Variants in MICU1 observed in about 807,000 individuals in gnomAD.
MICU1 encodes calcium uptake protein 1, mitochondrial.
MICU1 carries 45 observed loss-of-function variants against 56.8 expected under a neutral mutation model. That is an observed-to-expected ratio of 0.79 (90% CI 0.62 to 1.02). MICU1 has a LOEUF of 1.02. MICU1 is among the 50% of genes least tolerant of loss of function. The pLI, the probability that MICU1 is intolerant of heterozygous loss-of-function variation, is 0.00. For missense variants in MICU1, 504 were observed against 587.1 expected (o/e 0.86, Z 1.46); for synonymous variants, 186 against 195.1 (o/e 0.95, Z 0.39).
At chr10:72,426,718 C>T (rs1864359032) in intron 8 of MICU1, among the ~76,000 whole-genome samples, 1 of 152,138 alleles carries the variant, frequency 6.6e-6, no homozygotes, top group Admixed American at 6.5e-5. Flanking sequence ...ATTAGTGATG[C>T]TCAACCAGTA....
intron 5 of MICU1, among the ~76,000 whole-genome samples, chr10:72,530,335 AAATAATAATAATAATAATAAT>A (rs372087915): frequency 4.6e-5 from 3 of 64,902 alleles, no homozygotes; most frequent in Non-Finnish European, 1.7e-4. Flanking sequence ...CTCCATATCA[AAATAATAATAATAATAATAAT>A]AATAATAATA....
chr10:72,581,843 G>A (rs941946164), intron 1 of MICU1, among the ~76,000 whole-genome samples: 1 of 152,048 alleles, frequency 6.6e-6, no homozygotes, highest in East Asian at 1.9e-4. Context: ...GTCCTTTTCC[G>A]GTTCTAAGAG....
At chr10:72,399,323 G>A (rs1033564472) in intron 10 of MICU1, among the ~76,000 whole-genome samples, 4 of 151,916 alleles carry the variant, frequency 2.6e-5, no homozygotes, top group Non-Finnish European at 5.9e-5. Flanking sequence ...AGGGTCGGGG[G>A]CTGGGGGAGG....
chr10:72,498,457 G>A (rs1300662339), intron 6 of MICU1, among the ~76,000 whole-genome samples: 2 of 152,102 alleles, frequency 1.3e-5, no homozygotes, highest in African/African-American at 2.4e-5. Flanking sequence ...GTGGTGATGC[G>A]TGCCTGTAGT....
intron 8 of MICU1, among the ~76,000 whole-genome samples, chr10:72,427,659 G>A (rs1254751786): frequency 1.3e-5 from 2 of 150,832 alleles, no homozygotes; most frequent in East Asian, 3.9e-4. Flanking sequence ...CAGCACTTTC[G>A]GAGGCTGACA....
At chr10:72,561,189 C>T (rs1840286925) in intron 3 of MICU1, among the ~76,000 whole-genome samples, 1 of 152,176 alleles carries the variant, frequency 6.6e-6, no homozygotes, top group African/African-American at 2.4e-5. Flanking sequence ...GTAAATCACA[C>T]AGATAGCTTT....
chr10:72,511,470 A>AT (rs1867445428), intron 5 of MICU1, among the ~76,000 whole-genome samples: 2 of 152,248 alleles, frequency 1.3e-5, no homozygotes. Flanking sequence ...TTTGAGCAGA[A>AT]GAACCACTGT....
At chr10:72,388,636 A>T (rs1862968933) in intron 10 of MICU1, among the ~76,000 whole-genome samples, 1 of 152,196 alleles carries the variant, frequency 6.6e-6, no homozygotes, top group African/African-American at 2.4e-5. Flanking sequence ...AAAACATCAT[A>T]GTTTATCAAA....
At chr10:72,476,088 G>T (rs1049601501) in intron 7 of MICU1, among the ~76,000 whole-genome samples, 11 of 151,890 alleles carry the variant, frequency 7.2e-5, no homozygotes, top group Admixed American at 7.2e-4. Context: ...TTAGCCGGGT[G>T]TGGTGGTGGG....
chr10:72,566,537 TAC>T (rs1840443272), intron 2 of MICU1, 94 bp downstream of exon 2: 1 of 1,260,580 alleles, frequency 7.9e-7, no homozygotes, highest in Admixed American at 2.8e-5. Context: ...GAAATTCTGA[TAC>T]AGAGTTAAGC....
chr10:72,534,786 G>T (rs1203886050), intron 4 of MICU1, among the ~76,000 whole-genome samples: 2 of 152,088 alleles, frequency 1.3e-5, no homozygotes, highest in South Asian at 4.1e-4. Context: ...TCTTCCAGAA[G>T]CCAGCCCTAA....
intron 3 of MICU1, among the ~76,000 whole-genome samples, chr10:72,551,866 G>C (rs1012919832): frequency 6.6e-6 from 1 of 152,000 alleles, no homozygotes; most frequent in Non-Finnish European, 1.5e-5. Context: ...AAACTCCTGG[G>C]CTCAAATGAT....
At chr10:72,613,187 T>C (rs1841896033) in intron 1 of MICU1, among the ~76,000 whole-genome samples, 1 of 152,038 alleles carries the variant, frequency 6.6e-6, no homozygotes, top group African/African-American at 2.4e-5. Flanking sequence ...CTTATCTATA[T>C]GGCTACTCAT....
At chr10:72,398,881 C>T (rs868711284) in intron 10 of MICU1, among the ~76,000 whole-genome samples, 4 of 152,168 alleles carry the variant, frequency 2.6e-5, no homozygotes, top group South Asian at 2.1e-4. Flanking sequence ...GGAGCTGGTA[C>T]CATTCCTTCT....
intron 5 of MICU1, among the ~76,000 whole-genome samples, chr10:72,512,403 G>A (rs1564911698): frequency 6.6e-6 from 1 of 151,900 alleles, no homozygotes; most frequent in African/African-American, 2.4e-5. Context: ...CACCATGCCT[G>A]GCCCCCATAC....
At chr10:72,396,873 C>G (rs944630364) in intron 10 of MICU1, among the ~76,000 whole-genome samples, 2 of 152,084 alleles carry the variant, frequency 1.3e-5, no homozygotes, top group Non-Finnish European at 2.9e-5. Context: ...AGGATATTAT[C>G]CAGGAGAACT....
intron 1 of MICU1, among the ~76,000 whole-genome samples, chr10:72,592,294 C>T (rs1421796092): frequency 6.6e-6 from 1 of 151,716 alleles, no homozygotes; most frequent in Non-Finnish European, 1.5e-5. Context: ...GGTGTGGAGC[C>T]ACCATGCCCA....
chr10:72,479,913 G>A (rs1213284724), intron 6 of MICU1, among the ~76,000 whole-genome samples: 2 of 152,078 alleles, frequency 1.3e-5, no homozygotes, highest in African/African-American at 2.4e-5. Context: ...GTCACACTTG[G>A]CCCACTTCAC....
chr10:72,396,046 A>G (rs1863246213), intron 10 of MICU1, among the ~76,000 whole-genome samples: 1 of 152,170 alleles, frequency 6.6e-6, no homozygotes, highest in South Asian at 2.1e-4. Flanking sequence ...GACACCTCAT[A>G]CAGGCGGCTG....
Sources: gnomAD v4.1 joint callset for allele counts (sites outside exome capture counted in the v4.1 genomes callset) on GRCh38, gnomAD v4.1.1 for gene constraint, MANE v1.5 for transcripts, NCBI Gene and HGNC (gene_info 2026-07-23, HGNC 2026-07-21) for gene names.